Variants in ERP44 observed in about 807,000 individuals in gnomAD.
ERP44 encodes the protein endoplasmic reticulum resident protein 44.
Under a neutral mutation model 53.4 loss-of-function variants are expected in ERP44, and 25 were observed. That is an observed-to-expected ratio of 0.47 (90% CI 0.34 to 0.65). The LOEUF is 0.65. Ranked by LOEUF, ERP44 falls within the 30% of genes least tolerant of loss-of-function variation. The pLI is 0.01. For synonymous variants in ERP44, 145 were observed against 161.2 expected (o/e 0.90, Z 0.76); for missense variants, 338 against 493.2 (o/e 0.69, Z 2.98).
intron 4 of ERP44, among the ~76,000 whole-genome samples, chr9:100,045,045 GCTCC>G (rs1229729618): frequency 6.6e-6 from 1 of 152,148 alleles, no homozygotes; most frequent in South Asian, 2.1e-4. Flanking sequence ...TTCCAGTCTG[GCTCC>G]CTCCATTTAC....
intron 1 of ERP44, among the ~76,000 whole-genome samples, chr9:100,071,711 G>C (rs1299392575): frequency 6.6e-6 from 1 of 152,168 alleles, no homozygotes; most frequent in Non-Finnish European, 1.5e-5. Flanking sequence ...CATGAGGTCA[G>C]GAGTTTGAGA....
At chr9:99,990,990 A>G (rs1166084302) in intron 10 of ERP44, among the ~76,000 whole-genome samples, 1 of 152,106 alleles carries the variant, frequency 6.6e-6, no homozygotes, top group Non-Finnish European at 1.5e-5. Context: ...TATGCACCCA[A>G]TACGGGAGCA....
At chr9:99,990,795 G>A (rs1417949897) in intron 10 of ERP44, among the ~76,000 whole-genome samples, 1 of 152,056 alleles carries the variant, frequency 6.6e-6, no homozygotes, top group Non-Finnish European at 1.5e-5. Context: ...ACACACATAG[G>A]CTCAAAATAA....
chr9:100,044,371 G>GCTA (rs1321318178), intron 4 of ERP44, among the ~76,000 whole-genome samples: 1 of 151,820 alleles, frequency 6.6e-6, no homozygotes, highest in Non-Finnish European at 1.5e-5. Flanking sequence ...TGCTGCTGCT[G>GCTA]CTACTACTAG....
chr9:99,996,603 A>C (rs1830312159), intron 10 of ERP44, among the ~76,000 whole-genome samples: 1 of 151,892 alleles, frequency 6.6e-6, no homozygotes, highest in Non-Finnish European at 1.5e-5. Context: ...TTTAGTGGTG[A>C]CTTGTGAGAT....
chr9:100,055,956 C>T (rs1177044805), intron 3 of ERP44, among the ~76,000 whole-genome samples: 1 of 152,170 alleles, frequency 6.6e-6, no homozygotes, highest in Non-Finnish European at 1.5e-5. Context: ...AGCCAATTAC[C>T]CAAGCTTTTT....
intron 1 of ERP44, among the ~76,000 whole-genome samples, chr9:100,080,639 C>CA (rs1826412201): frequency 6.6e-6 from 1 of 151,692 alleles, no homozygotes; most frequent in Non-Finnish European, 1.5e-5. Flanking sequence ...CAGACAGGGC[C>CA]AAAAAAAGGC....
At chr9:99,987,099 C>T (rs1830202742) in intron 10 of ERP44, among the ~76,000 whole-genome samples, 1 of 152,144 alleles carries the variant, frequency 6.6e-6, no homozygotes, top group Admixed American at 6.5e-5. Flanking sequence ...ACACATTTTT[C>T]CAAGCTGATT....
In ERP44 at chr9:100,007,613, T is replaced by C; in HGVS notation, c.839A>G (p.Gln280Arg). 3 of 1,595,328 alleles carry C rather than the reference T, an allele frequency of 1.9e-6. No individual in the cohort carries two copies. Among genetic ancestry groups the C allele is most frequent in the Non-Finnish European group, 2.6e-6 (3 of 1,162,810 alleles). Residue 280 changes from glutamine (Q) to arginine (R), a missense_variant, in exon 9 of 12, where the codon CAG (glutamine) becomes CGG (arginine). This residue lies in a region of ERP44 where 113 missense variants were observed against 172.6 expected (regional missense o/e 0.65). Transcript: ENST00000262455. The stretch of plus-strand genomic sequence containing the variant: ...TATTAATTGCCGAGCTACTTCATTC[T>C]GGAATATTTCTAAACTTTCTGTATC... The part of the protein sequence containing the change: ...KEDTESLEIF[Q>R]NEVARQLISE...
At chr9:100,052,321 G>T in intron 4 of ERP44, 96 bp downstream of exon 4, 1 of 538,172 alleles carries the variant, frequency 1.9e-6, no homozygotes, top group Non-Finnish European at 3.1e-6. Flanking sequence ...AAAAGAAAAG[G>T]AAAAAAAAAG....
chr9:100,026,676 A>G (rs1298308756), intron 4 of ERP44, among the ~76,000 whole-genome samples: 1 of 152,252 alleles, frequency 6.6e-6, no homozygotes, highest in Non-Finnish European at 1.5e-5. Context: ...AAACCCTGTG[A>G]AAGTAAAATA....
intron 8 of ERP44, among the ~76,000 whole-genome samples, chr9:100,013,623 G>T (rs1830498837): frequency 6.6e-6 from 1 of 152,118 alleles, no homozygotes. Flanking sequence ...CACCAAAATA[G>T]ATTAAAAATG....
chr9:100,036,113 T>TATTC (rs1342312185), intron 4 of ERP44, among the ~76,000 whole-genome samples: 1 of 152,210 alleles, frequency 6.6e-6, no homozygotes. Context: ...CTCGCAGCAC[T>TATTC]ATTCACAATA....
Position 99,998,429 on chromosome 9 carries a change from C to T in ERP44, c.1016+8077G>A, listed in dbSNP as rs1173942851. The T allele has an allele frequency of 4.6e-5, 30 of 653,702 alleles. No individual in the cohort carries two copies. The East Asian group carries it at 6.4e-4, about 14-fold the overall frequency. The allele number at this position is 653,702 out of a possible 1,614,324, so 40.5% of individuals were successfully genotyped here. On this transcript the variant is annotated intron_variant, in intron 10 of 11. Coordinates refer to ENST00000262455, the MANE Select transcript of ERP44 (RefSeq NM_015051.3). ...GGCCGGCCGGTCCTCGTTTGCCAGT[C>T]ACTCCTTTCTGGGTGCCGGACCGTC... is the stretch of plus-strand genomic sequence containing the variant.
chr9:99,984,990 G>A lies in ERP44; in HGVS notation c.1096C>T (p.Pro366Ser), dbSNP rs1183116257. Residue 366 changes from proline (P) to serine (S), a missense_variant, in exon 11 of 12, where the codon CCA (proline) becomes TCA (serine). By Grantham distance (74) the Pro-to-Ser change is moderately conservative. This residue lies in a region of ERP44 where 113 missense variants were observed against 172.6 expected (regional missense o/e 0.65). Coordinates refer to ENST00000262455, the MANE Select transcript of ERP44 (RefSeq NM_015051.3). ...LHREFHHGPDPTDTAPGEQAQ... is the reference protein window; with the variant it reads ...LHREFHHGPDSTDTAPGEQAQ... ...ACCTCTCCTGGGGCTGTATCAGTTG[G>A]GTCAGGTCCATGATGGAATTCTCTG... 6.2e-7 allele frequency: 1 copy of A among 1,612,160 alleles called. No homozygotes were observed. Among genetic ancestry groups the A allele is most frequent in the Admixed American group, 1.7e-5 (1 of 59,988 alleles).
chr9:100,028,826 A>C (rs1004371064), intron 4 of ERP44, among the ~76,000 whole-genome samples: 2 of 152,202 alleles, frequency 1.3e-5, no homozygotes, highest in Non-Finnish European at 2.9e-5. Context: ...CAAAAACAAA[A>C]ACAAAAAACT....
chr9:100,013,590 A>T (rs1830498390), intron 8 of ERP44, among the ~76,000 whole-genome samples: 1 of 152,302 alleles, frequency 6.6e-6, no homozygotes, highest in South Asian at 2.1e-4. Flanking sequence ...AATTAAAACC[A>T]CAATGAGACT....
intron 8 of ERP44, among the ~76,000 whole-genome samples, chr9:100,008,529 C>T (rs1460748619): frequency 6.6e-6 from 1 of 152,130 alleles, no homozygotes; most frequent in African/African-American, 2.4e-5. Flanking sequence ...AAATTATTTT[C>T]ATCAACTATC....
intron 1 of ERP44, among the ~76,000 whole-genome samples, chr9:100,065,785 A>G (rs1443892896): frequency 2.0e-5 from 3 of 152,212 alleles, no homozygotes; most frequent in Non-Finnish European, 4.4e-5. Context: ...TCAGGACTAG[A>G]GGCTAATAAA....
Sources: allele counts gnomAD v4.1 joint callset (sites outside exome capture counted in the v4.1 genomes callset), GRCh38; gene constraint gnomAD v4.1.1; regional missense constraint gnomAD v4.1.1; transcripts MANE v1.5; gene names NCBI Gene and HGNC (gene_info 2026-07-23, HGNC 2026-07-21).